The following ADAMDEC1 variants were observed in gnomAD, a reference collection of about 807,000 sequenced individuals.
ADAMDEC1 encodes ADAM DEC1.
In ADAMDEC1, 62 loss-of-function variants were observed where a neutral mutation model predicts 60.4. The ratio of observed to expected loss-of-function variants is 1.03; its 90% CI spans 0.84 to 1.27. The LOEUF (loss-of-function observed/expected upper bound fraction) is 1.27, where lower values mean the gene tolerates loss of function less well. ADAMDEC1 is among the 50% of genes most tolerant of loss of function. The probability of loss-of-function intolerance (pLI) is 0.00; values close to 1 mark genes in which losing one functional copy is unlikely to be tolerated. For synonymous variants in ADAMDEC1, 210 were observed against 195.1 expected (o/e 1.08, Z -0.64); for missense variants, 595 against 565.0 (o/e 1.05, Z -0.54).
At chr8:24,394,701 A>C (rs1817560026) in intron 4 of ADAMDEC1, among the ~76,000 whole-genome samples, 1 of 152,142 alleles carries the variant, frequency 6.6e-6, no homozygotes, top group Non-Finnish European at 1.5e-5. Flanking sequence ...AGCTTCTCAG[A>C]GCCATCCTAC....
At chr8:24,399,212 T>G (rs1225256557) in intron 9 of ADAMDEC1, among the ~76,000 whole-genome samples, 172 bp downstream of exon 9, 1 of 152,184 alleles carries the variant, frequency 6.6e-6, no homozygotes, top group African/African-American at 2.4e-5. Flanking sequence ...GATGATAGAA[T>G]GAGCTCTTGG....
intron 4 of ADAMDEC1, among the ~76,000 whole-genome samples, chr8:24,394,667 A>G (rs79513017): frequency 0.026 from 3,910 of 152,224 alleles, 163 homozygotes; most frequent in African/African-American, 0.09. Context: ...CAATCAAGAG[A>G]TGTTCATGTT....
chr8:24,397,354 TA>T lies in ADAMDEC1; in HGVS notation c.527del (p.Asn176ThrfsTer14). On this transcript the variant is annotated frameshift_variant, in exon 6 of 14. Transcript: ENST00000256412. LOFTEE classifies it high-confidence loss of function. ...AGAAAGAACATGCCGTCTTTACATC[TA>T]ACCAGGAGGAACAAGACCCAGCTAA... ...DEKEHAVFTS[N>X]QEEQDPANHT... 3 of 1,614,046 alleles carry T rather than the reference TA, an allele frequency of 1.9e-6. No individual in the cohort carries two copies. The highest frequency in any genetic ancestry group is 2.5e-6 in the Non-Finnish European group (3 of 1,179,970).
In ADAMDEC1 at chr8:24,394,256, G is replaced by A. The variant is rs373305435; in HGVS notation, c.363+109G>A. 40 of 718,550 alleles carry A rather than the reference G, an allele frequency of 5.6e-5. No homozygotes were observed. In the African/African-American group the frequency reaches 6.9e-4, roughly 12 times the overall value. The allele number at this position is 718,550 out of a possible 1,614,324, so 44.5% of individuals were successfully genotyped here. ...CTCAATTATTTTATAAAATTCATAGGTCCATGAACAGCTTCAAAAAATAAT... is the reference window on the plus strand; with the variant it reads ...CTCAATTATTTTATAAAATTCATAGATCCATGAACAGCTTCAAAAAATAAT... On this transcript the variant is annotated intron_variant, in intron 4 of 13. Transcript: ENST00000256412.
chr8:24,384,848 T>C (rs919968665), intron 1 of ADAMDEC1, among the ~76,000 whole-genome samples: 1 of 152,208 alleles, frequency 6.6e-6, no homozygotes, highest in Non-Finnish European at 1.5e-5. Context: ...AATTGTTATA[T>C]ATTTTAACAA....
intron 5 of ADAMDEC1, 96 bp from the exon 6 acceptor site, chr8:24,397,174 A>G: frequency 8.6e-7 from 1 of 1,161,226 alleles, no homozygotes; most frequent in Non-Finnish European, 1.2e-6. Context: ...GCTATGTGTG[A>G]AATTGGGATG....
chr8:24,384,759 A>C (rs75723767), intron 1 of ADAMDEC1, among the ~76,000 whole-genome samples, 167 bp downstream of exon 1: 2,498 of 152,296 alleles, frequency 0.016, 70 homozygotes, highest in African/African-American at 0.058. Context: ...TATATACATA[A>C]GTATGTGTAT....
chr8:24,390,396 C>T (rs1817412362), intron 1 of ADAMDEC1, among the ~76,000 whole-genome samples: 1 of 152,144 alleles, frequency 6.6e-6, no homozygotes, highest in Admixed American at 6.6e-5. Context: ...TTTCACTCAA[C>T]CTTGTTTGAC....
chr8:24,403,411 A>C (rs1216569274), intron 12 of ADAMDEC1, among the ~76,000 whole-genome samples: 1 of 151,856 alleles, frequency 6.6e-6, no homozygotes, highest in East Asian at 1.9e-4. Flanking sequence ...TATTTCTCCC[A>C]GGCATCACAC....
intron 1 of ADAMDEC1, chr8:24,387,947 C>G (rs960390867): frequency 2.0e-5 from 3 of 152,676 alleles, no homozygotes; most frequent in African/African-American, 7.2e-5. Flanking sequence ...CCCGGAGAAG[C>G]TGGAGCTGCT....
At chr8:24,398,699 C>A in intron 8 of ADAMDEC1, 148 bp downstream of exon 8, 1 of 921,738 alleles carries the variant, frequency 1.1e-6, no homozygotes, top group Non-Finnish European at 1.6e-6. Flanking sequence ...CAAGCATCAA[C>A]ATCAAGGTGA....
chr8:24,386,146 A>G (rs1817286043), intron 1 of ADAMDEC1, among the ~76,000 whole-genome samples: 1 of 152,138 alleles, frequency 6.6e-6, no homozygotes, highest in Admixed American at 6.6e-5. Flanking sequence ...ATTTTTAAAC[A>G]TTCCTCCCTA....
At chr8:24,398,573 C>A in intron 8 of ADAMDEC1, 22 bp downstream of exon 8, 1 of 1,532,610 alleles carries the variant, frequency 6.5e-7, no homozygotes, top group Non-Finnish European at 8.9e-7. Context: ...GTCATGTAAA[C>A]CTCATGTTTC....
rs1254486843 is a variant in ADAMDEC1, at chr8:24,402,005, A to G, written c.1233A>G (p.Ala411=). 1.2e-6 allele frequency: 2 copies of G among 1,613,174 alleles called. No individual in the cohort carries two copies. Among genetic ancestry groups the G allele is most frequent in the African/African-American group, 2.7e-5 (2 of 74,902 alleles). ...LSQKPKCLLQ[A]PIPTNIMTTP... Reference sequence around the variant, plus strand: ...AGAAACCAAAGTGCCTGCTGCAAGCACCTATTCCTACAAATATAATGACAA... The same window carrying G: ...AGAAACCAAAGTGCCTGCTGCAAGCGCCTATTCCTACAAATATAATGACAA... Residue 411 remains alanine, a synonymous_variant, in exon 12 of 14, where the codon GCA becomes GCG. Transcript: ENST00000256412.
intron 12 of ADAMDEC1, 139 bp downstream of exon 12, chr8:24,402,231 T>G (rs1817783866): frequency 5.5e-6 from 4 of 726,658 alleles, no homozygotes; most frequent in Non-Finnish European, 8.5e-6. Context: ...TTTTTGCTAC[T>G]GAATTTAGTA....
chr8:24,391,406 TA>T (rs1361747834), intron 1 of ADAMDEC1, among the ~76,000 whole-genome samples: 2 of 152,326 alleles, frequency 1.3e-5, no homozygotes, highest in African/African-American at 4.8e-5. Context: ...ATTCAAGTTT[TA>T]CACTAACCTA....
chr8:24,388,510 A>G (rs1335711777), intron 1 of ADAMDEC1, among the ~76,000 whole-genome samples: 3 of 151,650 alleles, frequency 2.0e-5, no homozygotes, highest in Non-Finnish European at 2.9e-5. Flanking sequence ...TTCCTTTTCC[A>G]TGGCATGAAA....
chr8:24,393,255 T>C lies in ADAMDEC1; in HGVS notation c.208-7T>C, dbSNP rs1448111169. 1 of 1,551,108 alleles carries C rather than the reference T, an allele frequency of 6.4e-7. No homozygotes were observed. The highest frequency in any genetic ancestry group is 1.4e-5 in the African/African-American group (1 of 72,696). Reference sequence around the variant, plus strand: ...ATAAATTGCTTGATGTAATTAAATGTTTTCAGGAAAGGTATGAACCTGAAG... The same window carrying C: ...ATAAATTGCTTGATGTAATTAAATGCTTTCAGGAAAGGTATGAACCTGAAG... On this transcript the variant is annotated splice_region_variant and splice_polypyrimidine_tract_variant and intron_variant, in intron 2 of 13. Transcript: ENST00000256412.
chr8:24,389,822 A>G (rs1406643144), intron 1 of ADAMDEC1, among the ~76,000 whole-genome samples: 1 of 152,180 alleles, frequency 6.6e-6, no homozygotes, highest in Non-Finnish European at 1.5e-5. Flanking sequence ...TTTGTTCCTA[A>G]AGAACAATAT....
Sources: gnomAD v4.1 joint callset for allele counts (sites outside exome capture counted in the v4.1 genomes callset) on GRCh38, gnomAD v4.1.1 for gene constraint, MANE v1.5 for transcripts, NCBI Gene and HGNC (gene_info 2026-07-23, HGNC 2026-07-21) for gene names.